Variants in KLK13 observed in about 807,000 individuals in gnomAD.
The protein encoded by KLK13 is kallikrein-13.
A neutral mutation model predicts 22.4 loss-of-function variants in KLK13; 19 were observed. The observed-to-expected ratio is 0.85, with a 90% CI of 0.59 to 1.24. KLK13 has a LOEUF of 1.24. Ranked by LOEUF, KLK13 falls within the 50% of genes most tolerant of loss-of-function variation. KLK13 has a pLI of 0.00. For synonymous variants in KLK13, 156 were observed against 141.8 expected, an observed-to-expected ratio of 1.10 and a Z score of -0.71; for missense variants, 311 against 347.9, an observed-to-expected ratio of 0.89 and a Z score of 0.84.
chr19:51,058,392 T>A, intron 4 of KLK13, 146 bp downstream of exon 4: 1 of 910,450 alleles, frequency 1.1e-6, no homozygotes, highest in Non-Finnish European at 1.7e-6. Context: ...TACCCCTTTT[T>A]GTCTTGACCT....
At chr19:51,064,487 CAAAAAAAAAA>C in intron 1 of KLK13, 5 of 154,736 alleles carry the variant, frequency 3.2e-5, no homozygotes, top group Admixed American at 7.6e-5. Context: ...GGTTCCATCT[CAAAAAAAAAA>C]AAAAAAAAAA....
chr19:51,060,041 C>A lies in KLK13; in HGVS notation c.292G>T (p.Glu98Ter). The A allele has an allele frequency of 6.2e-7, 1 of 1,613,830 alleles. No homozygotes were observed. Among genetic ancestry groups the A allele is most frequent in the Non-Finnish European group, 8.5e-7 (1 of 1,179,842 alleles). ...KHALGRVEAG[E>*]QVREVVHSIP... Reference sequence around the variant, plus strand: ...GAGTGGACAACTTCCCTCACCTGCTCACCAGCTTCCACACGCCCTAGGGCG... The same window carrying A: ...GAGTGGACAACTTCCCTCACCTGCTAACCAGCTTCCACACGCCCTAGGGCG... Residue 98 changes from glutamate to a stop codon, truncating the protein, a stop_gained, in exon 3 of 5, where the codon GAG becomes TAG. Coordinates refer to ENST00000595793, the MANE Select transcript of KLK13 (RefSeq NM_015596.3). LOFTEE classifies it high-confidence loss of function.
upstream of KLK13, among the ~76,000 whole-genome samples, chr19:51,065,619 C>T (rs117798549): frequency 7.2e-4 from 110 of 152,278 alleles, 1 homozygote; most frequent in East Asian, 0.018. Flanking sequence ...TCCCCGCCCC[C>T]GCCCCAGGCA....
chr19:51,063,941 G>A (rs2091753310), intron 1 of KLK13: 1 of 427,122 alleles, frequency 2.3e-6, no homozygotes. Flanking sequence ...TAGACTCCAG[G>A]TGCTGAGAGC....
chr19:51,064,388 T>A (rs2091757935), intron 1 of KLK13, among the ~76,000 whole-genome samples: 1 of 146,762 alleles, frequency 6.8e-6, no homozygotes, highest in Non-Finnish European at 1.5e-5. Flanking sequence ...CTCGGGAGGC[T>A]GAGGCAGGAG....
At chr19:51,059,244 T>C (rs2091703013) in intron 3 of KLK13, among the ~76,000 whole-genome samples, 1 of 151,170 alleles carries the variant, frequency 6.6e-6, no homozygotes, top group South Asian at 2.1e-4. Flanking sequence ...ATAGAATTAA[T>C]TATTACATTG....
chr19:51,059,828 G>A lies in KLK13; in HGVS notation c.505C>T (p.Gln169Ter). ...GGCCACCTGTGTGGGTGCATACCCT[G>A]GGGGCTGGTGGTGGTGCCCCAGCCA... ...VSGWGTTTSP[Q>*]VNYPKTLQCA... Residue 169 changes from glutamine (Q) to a stop codon, truncating the protein, a stop_gained, in exon 3 of 5, where the codon CAG (glutamine) becomes TAG (stop). Coordinates refer to ENST00000595793, the MANE Select transcript of KLK13 (RefSeq NM_015596.3). LOFTEE classifies it high-confidence loss of function. The A allele has an allele frequency of 6.3e-7, 1 of 1,599,832 alleles. No individual in the cohort carries two copies. Among genetic ancestry groups the A allele is most frequent in the Non-Finnish European group, 8.5e-7 (1 of 1,172,414 alleles).
At chr19:51,058,351 C>T (rs2091694506) in intron 4 of KLK13, among the ~76,000 whole-genome samples, 187 bp downstream of exon 4, 1 of 152,174 alleles carries the variant, frequency 6.6e-6, no homozygotes, top group South Asian at 2.1e-4. Flanking sequence ...AAAGCTGGGG[C>T]TTATGATGAA....
At chr19:51,060,691 G>A in intron 1 of KLK13, 72 bp from the exon 2 acceptor site, 1 of 1,304,712 alleles carries the variant, frequency 7.7e-7, no homozygotes, top group Non-Finnish European at 1.1e-6. Context: ...GTGGTTTCTG[G>A]GTTTGGGGTA....
intron 1 of KLK13, chr19:51,064,764 C>G: frequency 1.6e-6 from 1 of 641,782 alleles, no homozygotes; most frequent in South Asian, 1.6e-5. Flanking sequence ...GGACAGGAAG[C>G]CTTGAACGCG....
chr19:51,065,278 AAC>A (rs1193228465), upstream of KLK13, among the ~76,000 whole-genome samples: 1 of 151,758 alleles, frequency 6.6e-6, no homozygotes, highest in Non-Finnish European at 1.5e-5. Context: ...AGGTGGGAGG[AAC>A]AGTGTGCAAC....
intron 1 of KLK13, chr19:51,063,944 C>G (rs1340006928): frequency 2.4e-6 from 1 of 424,898 alleles, no homozygotes; most frequent in African/African-American, 2.0e-5. Context: ...ACTCCAGGTG[C>G]TGAGAGCAGG....
At position 51,056,512 on chromosome 19, in the gene KLK13, G is replaced by C; in HGVS notation, c.*75C>G. The C allele has an allele frequency of 7.2e-7, 1 of 1,391,010 alleles. No homozygotes were observed. The highest frequency in any genetic ancestry group is 1.0e-6 in the Non-Finnish European group (1 of 992,578). The allele number at this position is 1,391,010 out of a possible 1,614,324, so 86.2% of individuals were successfully genotyped here. A position where few individuals can be genotyped will look rare whatever the true frequency, so the allele number is the denominator to read the frequency against. ...GGTTCAAATGGAACACTGGGAATAA[G>C]GAGCAGAGAAGGGCTAAGCAGACCA... On this transcript the variant is annotated 3_prime_UTR_variant, in exon 5 of 5. Transcript: ENST00000595793.
At position 51,056,646 on chromosome 19, in the gene KLK13, G is replaced by T. The variant is rs757385222; in HGVS notation, c.775C>A (p.Arg259Ser). The change falls in exon 5 of 5, where the codon CGT becomes AGT. Residue 259 changes from arginine to serine, a missense_variant. Transcript: ENST00000595793. ...TRVSRYVLWI[R>S]ETIRKYETQQ... ...GTTTCATATTTTCGGATTGTTTCAC[G>T]GATCCACAGGACGTATCTTGAGACA... 1.5e-5 allele frequency: 24 copies of T among 1,614,014 alleles called. No homozygotes were observed. The highest frequency in any genetic ancestry group is 1.9e-5 in the Non-Finnish European group (22 of 1,180,032).
intron 1 of KLK13, chr19:51,063,961 G>C: frequency 2.5e-6 from 1 of 407,748 alleles, no homozygotes; most frequent in Non-Finnish European, 4.9e-6. Flanking sequence ...CAGGGACTGT[G>C]TCTCTGCTTG....
chr19:51,062,718 A>G (rs2569475), intron 1 of KLK13, among the ~76,000 whole-genome samples: 102,060 of 151,952 alleles, frequency 0.67, 34,583 homozygotes, highest in Middle Eastern at 0.8. Context: ...AAGTAGAAAA[A>G]GTAATAGTTC....
chr19:51,063,663 C>G (rs183577256), intron 1 of KLK13: 3 of 456,678 alleles, frequency 6.6e-6, no homozygotes, highest in South Asian at 3.1e-5. Flanking sequence ...AGGAGTGGCA[C>G]GGGCATGAAT....
intron 1 of KLK13, 123 bp downstream of exon 1, chr19:51,064,893 G>A: frequency 1.3e-6 from 1 of 794,082 alleles, no homozygotes; most frequent in South Asian, 1.9e-5. Flanking sequence ...TGTCCCCACT[G>A]GACCCGGCCC....
rs1227717670 is a variant in KLK13 at position 51,058,750 on chromosome 19, A to G, written c.509-76T>C. 1.5e-5 allele frequency: 21 copies of G among 1,422,866 alleles called. No individual in the cohort carries two copies. In the East Asian group the frequency reaches 4.3e-4, roughly 29 times the overall value. The allele number at this position is 1,422,866 out of a possible 1,614,324, so 88.1% of individuals were successfully genotyped here. On this transcript the variant is annotated intron_variant, in intron 3 of 4. Coordinates refer to ENST00000595793, the MANE Select transcript of KLK13 (RefSeq NM_015596.3). ...GGATGAAGGTGAAATAGGCGAGTTG[A>G]ATGGGTAAAGAGTAGATAGAAAATT...
Sources: allele counts gnomAD v4.1 joint callset (sites outside exome capture counted in the v4.1 genomes callset), GRCh38; gene constraint gnomAD v4.1.1; transcripts MANE v1.5; gene names NCBI Gene and HGNC (gene_info 2026-07-23, HGNC 2026-07-21).